The following BICC1 variants were observed in gnomAD, a reference collection of about 807,000 sequenced individuals.
The protein encoded by BICC1 is protein bicaudal C homolog 1.
In BICC1, 43 loss-of-function variants were observed where a neutral mutation model predicts 111.0. The observed-to-expected ratio is 0.39, with a 90% CI of 0.30 to 0.50. The LOEUF (loss-of-function observed/expected upper bound fraction) is 0.50, where lower values mean the gene tolerates loss of function less well. Ranked by LOEUF, BICC1 falls within the 20% of genes least tolerant of loss-of-function variation. The probability of loss-of-function intolerance (pLI) is 0.88; values close to 1 mark genes in which losing one functional copy is unlikely to be tolerated. For missense variants in BICC1, 1,091 were observed against 1,203.2 expected, an observed-to-expected ratio of 0.91 and a Z score of 1.38; for synonymous variants, 467 against 434.4, an observed-to-expected ratio of 1.07 and a Z score of -0.93.
intron 2 of BICC1, among the ~76,000 whole-genome samples, chr10:58,651,194 C>G (rs1838436311): frequency 6.6e-6 from 1 of 152,226 alleles, no homozygotes; most frequent in South Asian, 2.1e-4. Context: ...AGATTTTGGC[C>G]TTGTTCACAA....
At chr10:58,802,358 T>A (rs1209981266) in intron 14 of BICC1, among the ~76,000 whole-genome samples, 1 of 152,226 alleles carries the variant, frequency 6.6e-6, no homozygotes, top group African/African-American at 2.4e-5. Context: ...AGCTGAGTAG[T>A]TGAACAAATA....
intron 3 of BICC1, among the ~76,000 whole-genome samples, chr10:58,771,468 G>T (rs565837996): frequency 6.6e-6 from 1 of 152,072 alleles, no homozygotes; most frequent in Admixed American, 6.6e-5. Context: ...ATGGATAATG[G>T]GGTAGCATGT....
In BICC1 at chr10:58,513,275, G is replaced by A. The variant is rs1791953422; in HGVS notation, c.132G>A (p.Pro44=). 3 of 1,612,796 alleles carry A rather than the reference G, an allele frequency of 1.9e-6. No homozygotes were observed. Among genetic ancestry groups the A allele is most frequent in the Non-Finnish European group, 2.5e-6 (3 of 1,179,380 alleles). The part of the protein sequence containing the change: ...DLVAGATLHS[P]EWSEERFRVD... ...TCGCCGGGGCGACCCTGCACAGCCC[G>A]GAGTGGAGCGAGGAGCGCTTCCGCG... Residue 44 remains proline (P), a synonymous_variant, in exon 1 of 21, where the codon CCG becomes CCA. Transcript: ENST00000373886.
In BICC1 at chr10:58,789,829, G is replaced by A; in HGVS notation, c.943G>A (p.Gly315Ser). ...SNIKHIMQRT[G>S]AQIHFPDPSN... ...CATCAAACATATCATGCAGAGAACA[G>A]GTGCTCAGATCCACTTTCCTGATCC... Residue 315 changes from glycine (G) to serine (S), a missense_variant, in exon 8 of 21, where the codon GGT becomes AGT. Gly to Ser is a moderately conservative substitution (Grantham distance 56, BLOSUM62 0). Transcript: ENST00000373886. 6.2e-7 allele frequency: 1 copy of A among 1,614,108 alleles called. No individual in the cohort carries two copies.
rs183741197 is a variant in BICC1 at position 58,749,338 on chromosome 10, T to G, written c.308-35663T>G. 6.6e-5 allele frequency among the ~76,000 whole-genome samples: 10 copies of G among 152,278 alleles called. No individual in the cohort carries two copies. The East Asian group carries it at 1.9e-3, about 29-fold the overall frequency. On this transcript the variant is annotated intron_variant, in intron 3 of 20. Transcript: ENST00000373886. Reference sequence around the variant, plus strand: ...TAGAATTAAGAATCATGAACTCTACTGGCTGTCAAAACTATACGCATTATT... The same window carrying G: ...TAGAATTAAGAATCATGAACTCTACGGGCTGTCAAAACTATACGCATTATT...
At chr10:58,624,222 A>G (rs944302530) in intron 2 of BICC1, among the ~76,000 whole-genome samples, 10 of 152,136 alleles carry the variant, frequency 6.6e-5, no homozygotes, top group African/African-American at 1.4e-4. Context: ...AAAGACACCA[A>G]TTATATTGGA....
Position 58,708,027 on chromosome 10 carries a change from A to G in BICC1, c.307+5884A>G, listed in dbSNP as rs867989487. ...ATTTTTTTTTTTTTGTATTTTTAGTAGAGACAGGGTTTTACCATGTTGGCC... is the reference window on the plus strand; with the variant it reads ...ATTTTTTTTTTTTTGTATTTTTAGTGGAGACAGGGTTTTACCATGTTGGCC... On this transcript the variant is annotated intron_variant, in intron 3 of 20. Transcript: ENST00000373886. Among the ~76,000 whole-genome samples the G allele has an allele frequency of 1.8e-4, 9 of 49,016 alleles. No individual in the cohort carries two copies. In the South Asian group the frequency reaches 3.8e-3, roughly 21 times the overall value. 32.2% of individuals were successfully genotyped at this position (49,016 alleles called of 152,430 possible).
chr10:58,827,780 A>G (rs1055755105), intron 20 of BICC1, among the ~76,000 whole-genome samples: 4 of 152,190 alleles, frequency 2.6e-5, no homozygotes, highest in African/African-American at 9.6e-5. Flanking sequence ...AATGGCAGAC[A>G]GAAATTATGA....
At chr10:58,790,031 A>G in intron 8 of BICC1, 98 bp downstream of exon 8, 1 of 1,354,806 alleles carries the variant, frequency 7.4e-7, no homozygotes, top group Admixed American at 2.1e-5. Context: ...TTAGGAAAGC[A>G]CTTCGGAAGC....
chr10:58,550,287 G>T (rs1019810726), intron 1 of BICC1, among the ~76,000 whole-genome samples: 2 of 152,118 alleles, frequency 1.3e-5, no homozygotes, highest in Non-Finnish European at 2.9e-5. Flanking sequence ...CTCCTAAAGT[G>T]CTAGGGCTAC....
chr10:58,656,203 A>T (rs1470651830), intron 2 of BICC1, among the ~76,000 whole-genome samples: 1 of 151,938 alleles, frequency 6.6e-6, no homozygotes, highest in Non-Finnish European at 1.5e-5. Context: ...TGTGGCAATA[A>T]TCAATTGTTT....
chr10:58,684,863 T>C (rs2132380914), intron 2 of BICC1, among the ~76,000 whole-genome samples: 2 of 152,342 alleles, frequency 1.3e-5, no homozygotes, highest in Middle Eastern at 6.8e-3. Context: ...TTTTTGTGTC[T>C]CTTATCTCCT....
intron 3 of BICC1, among the ~76,000 whole-genome samples, chr10:58,763,500 G>A (rs1375241836): frequency 5.3e-5 from 8 of 152,262 alleles, no homozygotes; most frequent in Admixed American, 3.3e-4. Context: ...AAAAAAGAAA[G>A]CATAGTGGTT....
In BICC1 at chr10:58,770,734, A is replaced by C. The variant is rs141749969; in HGVS notation, c.308-14267A>C. Among the ~76,000 whole-genome samples the C allele has an allele frequency of 3.0e-4, 45 of 152,324 alleles. 1 individual carries two copies. In the East Asian group the frequency reaches 7.9e-3, roughly 27 times the overall value. The stretch of plus-strand genomic sequence containing the variant: ...ACAAGGCTGAACACCAGTTGATATG[A>C]GAAGGCTCTGAGATTTTGGTTGTTA... On this transcript the variant is annotated intron_variant, in intron 3 of 20. Coordinates refer to ENST00000373886, the MANE Select transcript of BICC1 (RefSeq NM_001080512.3).
intron 1 of BICC1, among the ~76,000 whole-genome samples, chr10:58,601,965 C>G (rs567711818): frequency 9.7e-4 from 148 of 152,154 alleles, no homozygotes; most frequent in Middle Eastern, 3.4e-3. Flanking sequence ...GGATAGGTGT[C>G]TCAGCCATGA....
At chr10:58,801,096 A>G (rs973908923) in intron 14 of BICC1, 50 bp downstream of exon 14, 2 of 1,484,788 alleles carry the variant, frequency 1.3e-6, no homozygotes, top group South Asian at 1.4e-5. Flanking sequence ...AATGATATAT[A>G]TTTGTTCTCA....
At chr10:58,786,494 T>C (rs1843014959) in intron 4 of BICC1, among the ~76,000 whole-genome samples, 1 of 152,156 alleles carries the variant, frequency 6.6e-6, no homozygotes, top group Non-Finnish European at 1.5e-5. Flanking sequence ...CTTTATTATT[T>C]CTAATTTTGT....
rs948865076 is a variant in BICC1 at position 58,829,710 on chromosome 10, T to C, written c.*819T>C. On this transcript the variant is annotated 3_prime_UTR_variant, in exon 21 of 21. Transcript: ENST00000373886. Reference sequence around the variant, plus strand: ...ATTAACCCTTTGCAGTCGTCATACTTAGCTGCTGCCTGTAATGCTAAAATG... The same window carrying C: ...ATTAACCCTTTGCAGTCGTCATACTCAGCTGCTGCCTGTAATGCTAAAATG... The C allele has an allele frequency of 2.0e-5, 3 of 152,196 alleles. No homozygotes were observed. The highest frequency in any genetic ancestry group is 1.3e-4 in the Admixed American group (2 of 15,274). The allele number at this position is 152,196 out of a possible 1,614,324, so 9.4% of individuals were successfully genotyped here.
chr10:58,532,301 G>GAA (rs35894257), intron 1 of BICC1, among the ~76,000 whole-genome samples: 117 of 149,286 alleles, frequency 7.8e-4, no homozygotes, highest in African/African-American at 2.8e-3. Context: ...TATGTATTAT[G>GAA]AAAAAAAAAA....
Sources: gnomAD v4.1 joint callset for allele counts (sites outside exome capture counted in the v4.1 genomes callset) on GRCh38, gnomAD v4.1.1 for gene constraint, MANE v1.5 for transcripts, NCBI Gene and HGNC (gene_info 2026-07-23, HGNC 2026-07-21) for gene names.